MAD1L1: variants seen among roughly 807,000 people sequenced by gnomAD.
MAD1L1 encodes mitotic arrest deficient 1 like 1.
Under a neutral mutation model 96.9 loss-of-function variants are expected in MAD1L1, and 95 were observed. That is an observed-to-expected ratio of 0.98 (90% CI 0.83 to 1.16). MAD1L1 has a LOEUF of 1.16. Among genes scored for constraint, MAD1L1 ranks in the 50% most tolerant of loss-of-function variants. The probability of loss-of-function intolerance (pLI) is 0.00; values close to 1 mark genes in which losing one functional copy is unlikely to be tolerated. For synonymous variants in MAD1L1, 473 were observed against 396.6 expected, an observed-to-expected ratio of 1.19 and a Z score of -2.29; for missense variants, 1,007 against 954.4, an observed-to-expected ratio of 1.06 and a Z score of -0.73.
At chr7:1,863,423 G>A (rs1015828293) in intron 18 of MAD1L1, among the ~76,000 whole-genome samples, 11 of 152,232 alleles carry the variant, frequency 7.2e-5, no homozygotes, top group African/African-American at 1.2e-4. Context: ...GAGACCTCGC[G>A]GTCCACTGAG....
chr7:2,117,203 G>A (rs1044643591), intron 11 of MAD1L1, among the ~76,000 whole-genome samples: 1 of 152,180 alleles, frequency 6.6e-6, no homozygotes, highest in African/African-American at 2.4e-5. Context: ...GGGCCCTGGG[G>A]GCCACCGTCA....
chr7:2,196,774 C>A (rs1792008344), intron 10 of MAD1L1, among the ~76,000 whole-genome samples: 1 of 152,244 alleles, frequency 6.6e-6, no homozygotes, highest in South Asian at 2.1e-4. Flanking sequence ...AGGCCTCGGG[C>A]TCCCTGCTCA....
chr7:1,918,850 G>A (rs749434409), intron 17 of MAD1L1, among the ~76,000 whole-genome samples: 7 of 152,156 alleles, frequency 4.6e-5, no homozygotes, highest in Non-Finnish European at 1.5e-5. Flanking sequence ...TGGTGCTGTG[G>A]CTACTCCTGG....
intron 17 of MAD1L1, among the ~76,000 whole-genome samples, chr7:1,900,603 G>A (rs73288781): frequency 0.039 from 5,969 of 152,200 alleles, 238 homozygotes; most frequent in East Asian, 0.096. Flanking sequence ...TCCCTCGGCT[G>A]ATCCTCCCGA....
intron 10 of MAD1L1, among the ~76,000 whole-genome samples, chr7:2,156,087 G>T (rs1789819239): frequency 6.6e-6 from 1 of 152,272 alleles, no homozygotes; most frequent in Non-Finnish European, 1.5e-5. Flanking sequence ...AACCAGGACA[G>T]TGGGCGCATG....
At chr7:2,032,069 C>T (rs1783251954) in intron 12 of MAD1L1, among the ~76,000 whole-genome samples, 1 of 152,234 alleles carries the variant, frequency 6.6e-6, no homozygotes, top group South Asian at 2.1e-4. Flanking sequence ...AGCCAGTGCC[C>T]AGGGTGCCAG....
intron 10 of MAD1L1, among the ~76,000 whole-genome samples, chr7:2,155,373 G>A (rs922263562): frequency 6.6e-6 from 1 of 152,164 alleles, no homozygotes; most frequent in African/African-American, 2.4e-5. Context: ...CTGTCGTGTT[G>A]AGCATATTCA....
intron 10 of MAD1L1, among the ~76,000 whole-genome samples, chr7:2,170,700 A>C (rs1360262031): frequency 6.6e-6 from 1 of 152,202 alleles, no homozygotes; most frequent in Non-Finnish European, 1.5e-5. Context: ...TGGCCACTGC[A>C]CGAGAAAGGG....
At chr7:2,152,369 G>A (rs1350236748) in intron 10 of MAD1L1, among the ~76,000 whole-genome samples, 1 of 151,892 alleles carries the variant, frequency 6.6e-6, no homozygotes, top group African/African-American at 2.4e-5. Flanking sequence ...AGCCGCTGGA[G>A]GGCACAGGGG....
chr7:2,002,604 C>T (rs1781847907), intron 13 of MAD1L1, among the ~76,000 whole-genome samples: 1 of 152,200 alleles, frequency 6.6e-6, no homozygotes, highest in Admixed American at 6.5e-5. Flanking sequence ...CCACGGCCAC[C>T]CCCAAGCAGG....
intron 10 of MAD1L1, among the ~76,000 whole-genome samples, chr7:2,163,982 C>CAG (rs1790295499): frequency 6.6e-6 from 1 of 152,124 alleles, no homozygotes; most frequent in South Asian, 2.1e-4. Flanking sequence ...GTCAAGCACT[C>CAG]AATTCTAAGT....
chr7:1,874,716 C>G (rs1194609155), intron 18 of MAD1L1, among the ~76,000 whole-genome samples: 2 of 152,012 alleles, frequency 1.3e-5, no homozygotes, highest in Non-Finnish European at 2.9e-5. Context: ...TGTGGCTCAG[C>G]AGGACCCACA....
At chr7:2,074,154 G>A (rs1584257783) in intron 11 of MAD1L1, among the ~76,000 whole-genome samples, 1 of 152,170 alleles carries the variant, frequency 6.6e-6, no homozygotes, top group East Asian at 1.9e-4. Context: ...GCCGTTCCAG[G>A]CAGCAGAGAT....
At chr7:1,996,737 CA>C (rs1214859696) in intron 14 of MAD1L1, among the ~76,000 whole-genome samples, 2 of 152,228 alleles carry the variant, frequency 1.3e-5, no homozygotes, top group Non-Finnish European at 2.9e-5. Flanking sequence ...AGAGGGGCCA[CA>C]AAGGGAAATC....
intron 17 of MAD1L1, among the ~76,000 whole-genome samples, chr7:1,935,973 G>A (rs1381065531): frequency 6.6e-6 from 1 of 152,246 alleles, no homozygotes; most frequent in African/African-American, 2.4e-5. Flanking sequence ...GCGTGGGGCA[G>A]TGCCCAGCTC....
At chr7:1,992,671 C>T (rs556032201) in intron 14 of MAD1L1, among the ~76,000 whole-genome samples, 1 of 152,356 alleles carries the variant, frequency 6.6e-6, no homozygotes, top group Admixed American at 6.5e-5. Context: ...TGGAAGTTAA[C>T]TCTGCTGGGG....
At chr7:2,137,405 T>C (rs1788805702) in intron 11 of MAD1L1, among the ~76,000 whole-genome samples, 2 of 152,202 alleles carry the variant, frequency 1.3e-5, no homozygotes, top group South Asian at 4.1e-4. Flanking sequence ...GTTTTCTGAT[T>C]TGGGGAGCTG....
rs757077560 is a variant in MAD1L1, at chr7:1,816,058, C to G, written c.*12G>C. 1.2e-6 allele frequency: 2 copies of G among 1,601,812 alleles called. No individual in the cohort carries two copies. The highest frequency in any genetic ancestry group is 2.2e-5 in the East Asian group (1 of 44,652). Reference sequence around the variant, plus strand: ...AGCAGAGTGGCTCCGGCTATGCCCCCGAGCCTGCAGGCTACGCCACGGTCT... The same window carrying G: ...AGCAGAGTGGCTCCGGCTATGCCCCGGAGCCTGCAGGCTACGCCACGGTCT... On this transcript the variant is annotated 3_prime_UTR_variant, in exon 19 of 19. Transcript: ENST00000265854.
chr7:2,030,023 A>C (rs1783150434), intron 12 of MAD1L1, among the ~76,000 whole-genome samples: 1 of 152,186 alleles, frequency 6.6e-6, no homozygotes, highest in Non-Finnish European at 1.5e-5. Context: ...CCTCCTACAC[A>C]GTCCTGTGGA....
Sources: allele counts gnomAD v4.1 joint callset (sites outside exome capture counted in the v4.1 genomes callset), GRCh38; gene constraint gnomAD v4.1.1; transcripts MANE v1.5; gene names NCBI Gene and HGNC (gene_info 2026-07-23, HGNC 2026-07-21).